SEMA3E: variants seen among roughly 807,000 people sequenced by gnomAD.
SEMA3E encodes semaphorin-3E.
A neutral mutation model predicts 93.6 loss-of-function variants in SEMA3E; 49 were observed. The ratio of observed to expected loss-of-function variants is 0.52; its 90% CI spans 0.42 to 0.66. SEMA3E has a LOEUF of 0.66. Among genes scored for constraint, SEMA3E ranks in the 30% least tolerant of loss-of-function variants. The probability of loss-of-function intolerance (pLI) is 0.00; values close to 1 mark genes in which losing one functional copy is unlikely to be tolerated. For missense variants in SEMA3E, 906 were observed against 964.8 expected (o/e 0.94, Z 0.81); for synonymous variants, 363 against 330.7 (o/e 1.10, Z -1.06).
chr7:83,435,451 C>T (rs1346914486), intron 4 of SEMA3E, among the ~76,000 whole-genome samples: 1 of 151,992 alleles, frequency 6.6e-6, no homozygotes, highest in Admixed American at 6.6e-5. Context: ...CAAAAACTAG[C>T]TGGGCATGGT....
chr7:83,589,464 C>G (rs1792708358), intron 1 of SEMA3E, among the ~76,000 whole-genome samples: 1 of 152,054 alleles, frequency 6.6e-6, no homozygotes, highest in African/African-American at 2.4e-5. Context: ...TGGGGTTGCT[C>G]AGCGCTTATG....
intron 4 of SEMA3E, among the ~76,000 whole-genome samples, chr7:83,449,954 C>T (rs1324066866): frequency 1.3e-5 from 2 of 152,124 alleles, no homozygotes; most frequent in Non-Finnish European, 2.9e-5. Flanking sequence ...ACCCATTTGG[C>T]AAATGTCAAA....
intron 16 of SEMA3E, among the ~76,000 whole-genome samples, chr7:83,380,626 A>G (rs10273103): frequency 0.21 from 32,640 of 151,826 alleles, 5,060 homozygotes; most frequent in African/African-American, 0.44. Context: ...TTATGCCACC[A>G]CCCTACCCAA....
Position 83,462,810 on chromosome 7 carries a change from TCAAC to T in SEMA3E, c.456+3668_456+3671del, listed in dbSNP as rs1265169543. Among the ~76,000 whole-genome samples, 4 of 140,766 alleles carry T rather than the reference TCAAC, an allele frequency of 2.8e-5. No individual in the cohort carries two copies. The East Asian group carries it at 7.9e-4, about 28-fold the overall frequency. The allele number at this position is 140,766 out of a possible 152,430, so 92.3% of individuals were successfully genotyped here. ...AAGTTAGTTCAGGATCTGCACCTTA[TCAAC>T]CAAATTGTTTTGCCTGTCCACCCCG... On this transcript the variant is annotated intron_variant, in intron 4 of 16. Coordinates refer to ENST00000643230, the MANE Select transcript of SEMA3E (RefSeq NM_012431.3).
At chr7:83,454,272 AATATATATAT>A (rs71534491) in intron 4 of SEMA3E, among the ~76,000 whole-genome samples, 1 of 110,136 alleles carries the variant, frequency 9.1e-6, no homozygotes, top group African/African-American at 4.3e-5. Flanking sequence ...AAAAAAAAAA[AATATATATAT>A]ATATATATAT....
chr7:83,378,227 CATTAT>C (rs1243826550), intron 16 of SEMA3E, among the ~76,000 whole-genome samples: 1 of 151,898 alleles, frequency 6.6e-6, no homozygotes, highest in African/African-American at 2.4e-5. Context: ...GATGAAATTA[CATTAT>C]CCACATAAAT....
At chr7:83,472,212 A>G (rs1789912494) in intron 2 of SEMA3E, among the ~76,000 whole-genome samples, 1 of 152,196 alleles carries the variant, frequency 6.6e-6, no homozygotes, top group Admixed American at 6.5e-5. Context: ...TATACCAGCA[A>G]TCCATGCCCC....
intron 2 of SEMA3E, among the ~76,000 whole-genome samples, chr7:83,473,733 A>G (rs1434108632): frequency 6.6e-6 from 1 of 152,200 alleles, no homozygotes; most frequent in African/African-American, 2.4e-5. Context: ...TTTTACACGA[A>G]TGATTCCTAT....
In SEMA3E at chr7:83,436,963, G is replaced by T. The variant is rs576777140; in HGVS notation, c.457-18480C>A. ...CAGAAGGCAAGGAGGAGCAAGTTAT[G>T]TCTTACATGGATGGCAGCAAGCAAA... On this transcript the variant is annotated intron_variant, in intron 4 of 16. Coordinates refer to ENST00000643230, the MANE Select transcript of SEMA3E (RefSeq NM_012431.3). Among the ~76,000 whole-genome samples the T allele has an allele frequency of 2.4e-4, 36 of 152,238 alleles. No homozygotes were observed. In the South Asian group the frequency reaches 7.0e-3, roughly 30 times the overall value.
intron 1 of SEMA3E, among the ~76,000 whole-genome samples, chr7:83,540,007 A>G (rs1791487898): frequency 6.6e-6 from 1 of 151,910 alleles, no homozygotes; most frequent in African/African-American, 2.4e-5. Context: ...CAGTCTCCCA[A>G]GTAGCTGGGA....
chr7:83,555,160 T>A (rs1791861333), intron 1 of SEMA3E, among the ~76,000 whole-genome samples: 1 of 152,100 alleles, frequency 6.6e-6, no homozygotes, highest in African/African-American at 2.4e-5. Context: ...AGACCAAAAA[T>A]GCATTTTACC....
In SEMA3E at chr7:83,405,983, G is replaced by C. The variant is rs750168637; in HGVS notation, c.890C>G (p.Pro297Arg). The C allele has an allele frequency of 3.7e-6, 6 of 1,612,934 alleles. No homozygotes were observed. The highest frequency in any genetic ancestry group is 5.1e-6 in the Non-Finnish European group (6 of 1,179,296). Residue 297 changes from proline to arginine, a missense_variant, in exon 8 of 17, where the codon CCA becomes CGA. Pro to Arg is a moderately radical substitution (Grantham distance 103, BLOSUM62 -2). Transcript: ENST00000643230. ...ATATGTGTCAATTCCATTCATTCCTGGTACTGAGCAAACGAGTCTCGCTTT... is the reference window on the plus strand; with the variant it reads ...ATATGTGTCAATTCCATTCATTCCTCGTACTGAGCAAACGAGTCTCGCTTT... ...FLKARLVCSV[P>R]GMNGIDTYFD...
At chr7:83,388,653 C>G (rs1476213900) in intron 14 of SEMA3E, among the ~76,000 whole-genome samples, 2 of 151,950 alleles carry the variant, frequency 1.3e-5, no homozygotes, top group Non-Finnish European at 2.9e-5. Context: ...TAACCATATG[C>G]AATGATGAAA....
intron 1 of SEMA3E, among the ~76,000 whole-genome samples, chr7:83,558,992 T>C (rs1467726252): frequency 6.6e-6 from 1 of 152,104 alleles, no homozygotes; most frequent in Non-Finnish European, 1.5e-5. Context: ...AAATAGAGTA[T>C]AATTTTAACC....
intron 1 of SEMA3E, among the ~76,000 whole-genome samples, chr7:83,611,375 A>G (rs1793258147): frequency 6.9e-6 from 1 of 143,948 alleles, no homozygotes; most frequent in Admixed American, 7.2e-5. Flanking sequence ...TATATTATAT[A>G]TATAAATTTA....
chr7:83,392,802 C>A, intron 13 of SEMA3E, 81 bp from the exon 14 acceptor site: 1 of 1,297,468 alleles, frequency 7.7e-7, no homozygotes, highest in East Asian at 2.3e-5. Context: ...CACATTTATA[C>A]ACAATCACCT....
intron 1 of SEMA3E, among the ~76,000 whole-genome samples, chr7:83,596,150 T>C (rs1792868130): frequency 6.6e-6 from 1 of 152,146 alleles, no homozygotes; most frequent in Non-Finnish European, 1.5e-5. Context: ...ATTTGGGTTA[T>C]GATCCAGTAA....
intron 4 of SEMA3E, among the ~76,000 whole-genome samples, chr7:83,420,728 A>T (rs866946034): frequency 2.0e-4 from 31 of 152,158 alleles, no homozygotes; most frequent in African/African-American, 6.5e-4. Flanking sequence ...TGAGGAAAGG[A>T]CTCCCTATTC....
chr7:83,543,639 T>TA (rs1392063834), intron 1 of SEMA3E, among the ~76,000 whole-genome samples: 2 of 152,114 alleles, frequency 1.3e-5, no homozygotes, highest in African/African-American at 4.8e-5. Flanking sequence ...CTATTGTAAC[T>TA]AAAACGGTAA....
Sources: allele counts gnomAD v4.1 joint callset (sites outside exome capture counted in the v4.1 genomes callset), GRCh38; gene constraint gnomAD v4.1.1; transcripts MANE v1.5; gene names NCBI Gene and HGNC (gene_info 2026-07-23, HGNC 2026-07-21).